The following AFG1L variants were observed in gnomAD, a reference collection of about 807,000 sequenced individuals.
AFG1L encodes AFG1-like ATPase.
Under a neutral mutation model 62.2 loss-of-function variants are expected in AFG1L, and 53 were observed. That is an observed-to-expected ratio of 0.85 (90% CI 0.68 to 1.07). AFG1L has a LOEUF of 1.07. AFG1L is among the 50% of genes least tolerant of loss of function. The probability of loss-of-function intolerance (pLI) is 0.00; values close to 1 mark genes in which losing one functional copy is unlikely to be tolerated. For synonymous variants in AFG1L, 228 were observed against 210.3 expected (o/e 1.08, Z -0.73); for missense variants, 555 against 590.5 (o/e 0.94, Z 0.62).
At chr6:108,472,104 T>C (rs376335250) in intron 8 of AFG1L, among the ~76,000 whole-genome samples, 3 of 152,202 alleles carry the variant, frequency 2.0e-5, no homozygotes, top group African/African-American at 7.2e-5. Context: ...AGAAAGATAC[T>C]ACAAGATCTC....
intron 10 of AFG1L, among the ~76,000 whole-genome samples, chr6:108,489,639 A>T (rs1454780230): frequency 6.6e-6 from 1 of 152,188 alleles, no homozygotes; most frequent in Non-Finnish European, 1.5e-5. Context: ...AGATTGCACG[A>T]AACAAGATAA....
intron 10 of AFG1L, among the ~76,000 whole-genome samples, chr6:108,488,703 C>CAA (rs78193331): frequency 3.0e-5 from 4 of 132,626 alleles, no homozygotes; most frequent in Admixed American, 7.7e-5. Flanking sequence ...ACTGAAATAC[C>CAA]AAAAAAAAAA....
intron 7 of AFG1L, among the ~76,000 whole-genome samples, chr6:108,416,790 G>A (rs1770314719): frequency 6.6e-6 from 1 of 152,058 alleles, no homozygotes; most frequent in Non-Finnish European, 1.5e-5. Flanking sequence ...GTGGGGAGAG[G>A]GGAGGGATAG....
At chr6:108,409,276 C>T (rs1288696584) in intron 7 of AFG1L, among the ~76,000 whole-genome samples, 1 of 152,110 alleles carries the variant, frequency 6.6e-6, no homozygotes, top group Non-Finnish European at 1.5e-5. Context: ...ATAATGAAAA[C>T]CATTTTTGAA....
At chr6:108,454,364 G>A (rs1772172404) in intron 8 of AFG1L, among the ~76,000 whole-genome samples, 1 of 152,182 alleles carries the variant, frequency 6.6e-6, no homozygotes, top group Admixed American at 6.5e-5. Context: ...CCCAGATGAA[G>A]CTGTAAGTTT....
At chr6:108,376,797 AGTCCAGAATGTC>A (rs1242644298) in intron 6 of AFG1L, among the ~76,000 whole-genome samples, 3 of 152,060 alleles carry the variant, frequency 2.0e-5, no homozygotes, top group African/African-American at 7.2e-5. Flanking sequence ...TCAACTGTTA[AGTCCAGAATGTC>A]TTTGTTAATT....
intron 5 of AFG1L, among the ~76,000 whole-genome samples, chr6:108,361,387 A>G (rs1779522267): frequency 6.6e-6 from 1 of 152,232 alleles, no homozygotes; most frequent in African/African-American, 2.4e-5. Flanking sequence ...GGAGGGAGCA[A>G]TGAGTCAGAA....
rs535093158 is a variant in AFG1L at position 108,413,808 on chromosome 6, AG to A, written c.807+11755del. On this transcript the variant is annotated intron_variant, in intron 7 of 12. Coordinates refer to ENST00000368977, the MANE Select transcript of AFG1L (RefSeq NM_145315.5). ...ATTTATAACACTAAATGCCCACAAG[AG>A]AAAGCAGGAAAGATCTAAAATTGAC... Among the ~76,000 whole-genome samples, 29 of 152,338 alleles carry A rather than the reference AG, an allele frequency of 1.9e-4. No homozygotes were observed. The South Asian group carries it at 6.0e-3, about 32-fold the overall frequency.
At chr6:108,510,837 T>G (rs1166873615) in intron 11 of AFG1L, among the ~76,000 whole-genome samples, 1 of 152,118 alleles carries the variant, frequency 6.6e-6, no homozygotes, top group Non-Finnish European at 1.5e-5. Flanking sequence ...CCCAGCACTT[T>G]GGGAGGCCAA....
At chr6:108,381,526 C>T (rs558766686) in intron 6 of AFG1L, among the ~76,000 whole-genome samples, 11 of 151,878 alleles carry the variant, frequency 7.2e-5, no homozygotes, top group Admixed American at 6.6e-4. Flanking sequence ...ACAGTCATGC[C>T]TATGAATAGC....
At chr6:108,386,634 G>C (rs904578404) in intron 6 of AFG1L, among the ~76,000 whole-genome samples, 5 of 152,040 alleles carry the variant, frequency 3.3e-5, no homozygotes, top group African/African-American at 1.2e-4. Context: ...TGAATAGTGG[G>C]GTAAATATAA....
chr6:108,365,645 G>C (rs1195030041), intron 5 of AFG1L, among the ~76,000 whole-genome samples: 3 of 151,866 alleles, frequency 2.0e-5, no homozygotes, highest in Non-Finnish European at 4.4e-5. Flanking sequence ...TTTGTGATGG[G>C]CCATCTGTTG....
intron 5 of AFG1L, among the ~76,000 whole-genome samples, chr6:108,362,672 T>G (rs951331086): frequency 3.2e-4 from 49 of 152,226 alleles, no homozygotes; most frequent in African/African-American, 1.2e-3. Flanking sequence ...TCAGAGAGGT[T>G]CAGTAACTTG....
chr6:108,318,610 G>T (rs748821808), intron 1 of AFG1L, among the ~76,000 whole-genome samples: 2 of 152,308 alleles, frequency 1.3e-5, no homozygotes, highest in South Asian at 2.1e-4. Context: ...TAGGACACAA[G>T]ATATTGATTA....
chr6:108,305,408 CAG>C (rs1418339992), intron 1 of AFG1L, among the ~76,000 whole-genome samples: 2 of 152,156 alleles, frequency 1.3e-5, no homozygotes, highest in South Asian at 4.1e-4. Flanking sequence ...TTTTTTGAGA[CAG>C]AGTCTTGCTC....
intron 6 of AFG1L, 96 bp downstream of exon 6, chr6:108,366,428 A>C (rs1306949330): frequency 7.8e-6 from 5 of 642,968 alleles, no homozygotes; most frequent in Middle Eastern, 2.8e-4. Context: ...TGTGTTAATA[A>C]ATCTGATGAC....
chr6:108,405,428 C>T (rs1229005931), intron 7 of AFG1L, among the ~76,000 whole-genome samples: 1 of 152,166 alleles, frequency 6.6e-6, no homozygotes, highest in Non-Finnish European at 1.5e-5. Context: ...TTACTGCAGC[C>T]TCAACCTCCC....
At chr6:108,352,398 A>G (rs1373096121) in intron 3 of AFG1L, among the ~76,000 whole-genome samples, 1 of 152,198 alleles carries the variant, frequency 6.6e-6, no homozygotes, top group Non-Finnish European at 1.5e-5. Context: ...CTTGGATACT[A>G]AAATTTGAGG....
chr6:108,472,632 T>C (rs1456275168), intron 8 of AFG1L, among the ~76,000 whole-genome samples: 1 of 152,136 alleles, frequency 6.6e-6, no homozygotes, highest in Non-Finnish European at 1.5e-5. Context: ...TTGTTATTAC[T>C]TGTTAAAAAC....
Sources: gnomAD v4.1 joint callset for allele counts (sites outside exome capture counted in the v4.1 genomes callset) on GRCh38, gnomAD v4.1.1 for gene constraint, MANE v1.5 for transcripts, NCBI Gene and HGNC (gene_info 2026-07-23, HGNC 2026-07-21) for gene names.